The following OGDH variants were observed in gnomAD, a reference collection of about 807,000 sequenced individuals.
OGDH encodes the protein 2-oxoglutarate dehydrogenase complex component E1.
A neutral mutation model predicts 116.6 loss-of-function variants in OGDH; 38 were observed. That is an observed-to-expected ratio of 0.33 (90% CI 0.25 to 0.43). OGDH has a LOEUF of 0.43. Among genes scored for constraint, OGDH ranks in the 20% least tolerant of loss-of-function variants. The pLI, the probability that OGDH is intolerant of heterozygous loss-of-function variation, is 1.00. For missense variants in OGDH, 825 were observed against 1,357.2 expected, an observed-to-expected ratio of 0.61 and a Z score of 6.16; for synonymous variants, 488 against 533.3, an observed-to-expected ratio of 0.92 and a Z score of 1.17.
At position 44,708,299 on chromosome 7, in the gene OGDH, C is replaced by A; in HGVS notation, c.*300C>A. On this transcript the variant is annotated 3_prime_UTR_variant, in exon 23 of 23. Transcript: ENST00000222673. ...TCCTTGGGGAGGGGTCAGCTCTGGC[C>A]ACAATCCTCCCCACCAGTCTCACCC... is the stretch of plus-strand genomic sequence containing the variant. 3.0e-6 allele frequency: 1 copy of A among 333,500 alleles called. No homozygotes were observed. Among genetic ancestry groups the A allele is most frequent in the South Asian group, 3.6e-5 (1 of 27,464 alleles). The allele number at this position is 333,500 out of a possible 1,614,324, so 20.7% of individuals were successfully genotyped here. A position where few individuals can be genotyped will look rare whatever the true frequency, so the allele number is the denominator to read the frequency against.
chr7:44,681,821 C>T lies in OGDH; in HGVS notation c.1308C>T (p.Gly436=), dbSNP rs1787939601. The T allele has an allele frequency of 6.2e-7, 1 of 1,614,074 alleles. No homozygotes were observed. The highest frequency in any genetic ancestry group is 1.3e-5 in the African/African-American group (1 of 74,938). ...ACCTGCCATCCTACACAACTCATGG[C>T]ACCGTGCACGTGGTCGTCAACAACC... ...LSDLPSYTTH[G]TVHVVVNNQI... is the part of the protein sequence containing the mutation. The change falls in exon 10 of 23, where the codon GGC becomes GGT. Residue 436 remains glycine, a synonymous_variant. Coordinates refer to ENST00000222673, the MANE Select transcript of OGDH (RefSeq NM_002541.4).
At chr7:44,686,730 C>A (rs1285882021) in intron 10 of OGDH, among the ~76,000 whole-genome samples, 2 of 149,710 alleles carry the variant, frequency 1.3e-5, no homozygotes, top group Non-Finnish European at 3.0e-5. Context: ...GCTCTGTCGC[C>A]CAGGCCGGAG....
chr7:44,608,640 G>T (rs552851550), intron 1 of OGDH, among the ~76,000 whole-genome samples: 1 of 152,148 alleles, frequency 6.6e-6, no homozygotes, highest in East Asian at 1.9e-4. Context: ...AGAATCGCTT[G>T]AACGCAGGAG....
intron 5 of OGDH, among the ~76,000 whole-genome samples, chr7:44,669,443 C>G (rs1787334617): frequency 6.6e-6 from 1 of 152,116 alleles, no homozygotes; most frequent in Non-Finnish European, 1.5e-5. Flanking sequence ...TGAGCCACTG[C>G]TCCTGGCCCC....
chr7:44,658,751 AT>A (rs1220622853), intron 4 of OGDH, among the ~76,000 whole-genome samples: 6 of 151,688 alleles, frequency 4.0e-5, no homozygotes, highest in Non-Finnish European at 7.4e-5. Context: ...CTGTATTCAT[AT>A]TTTTTCTGAT....
At chr7:44,611,072 A>ATTTC (rs774015997) in intron 1 of OGDH, among the ~76,000 whole-genome samples, 2 of 122,874 alleles carry the variant, frequency 1.6e-5, no homozygotes, top group African/African-American at 6.0e-5. Context: ...ATTTTTCTAA[A>ATTTC]TTTTTTTTTT....
chr7:44,616,074 G>A (rs527440607), intron 1 of OGDH, among the ~76,000 whole-genome samples: 1 of 151,582 alleles, frequency 6.6e-6, no homozygotes, highest in East Asian at 1.9e-4. Context: ...TGGGTCCTCT[G>A]GTTCCTAGCC....
Position 44,618,473 on chromosome 7 carries a change from A to G in OGDH, c.-27-5844A>G, listed in dbSNP as rs183431974. 4.7e-4 allele frequency among the ~76,000 whole-genome samples: 71 copies of G among 152,246 alleles called. 1 individual carries two copies. The highest frequency in any genetic ancestry group is 1.6e-3 in the African/African-American group (66 of 41,550). On this transcript the variant is annotated intron_variant, in intron 1 of 22. Transcript: ENST00000222673. ...ACTTTCTCTCTGTATAGATTTGCCT[A>G]TTCTGGAATGTGATATTATTATCGT...
intron 1 of OGDH, among the ~76,000 whole-genome samples, chr7:44,607,643 G>A (rs911596502): frequency 6.6e-6 from 1 of 152,186 alleles, no homozygotes; most frequent in African/African-American, 2.4e-5. Flanking sequence ...TTGTAGTTTT[G>A]TAAATTAGCT....
At chr7:44,613,490 G>T (rs961283858) in intron 1 of OGDH, among the ~76,000 whole-genome samples, 1 of 152,082 alleles carries the variant, frequency 6.6e-6, no homozygotes, top group Non-Finnish European at 1.5e-5. Context: ...CTCCCGAGTA[G>T]CTGGGACTAT....
chr7:44,650,193 A>G (rs1342664587), intron 4 of OGDH, among the ~76,000 whole-genome samples: 2 of 152,198 alleles, frequency 1.3e-5, no homozygotes, highest in Non-Finnish European at 2.9e-5. Context: ...TTGTTAAAAC[A>G]TTTGTATCTG....
chr7:44,619,538 A>G (rs528175402), intron 1 of OGDH, among the ~76,000 whole-genome samples: 166 of 152,322 alleles, frequency 1.1e-3, no homozygotes, highest in African/African-American at 3.6e-3. Flanking sequence ...AATGTTTTCA[A>G]GGTTCCTCCA....
At chr7:44,623,303 C>T (rs1245501642) in intron 1 of OGDH, among the ~76,000 whole-genome samples, 3 of 152,208 alleles carry the variant, frequency 2.0e-5, no homozygotes, top group Non-Finnish European at 4.4e-5. Flanking sequence ...GGAGCCCATC[C>T]TCTCACAGGG....
intron 3 of OGDH, among the ~76,000 whole-genome samples, chr7:44,646,824 C>CA (rs1261962053): frequency 6.6e-6 from 1 of 152,204 alleles, no homozygotes; most frequent in East Asian, 1.9e-4. Context: ...CCAGAGCCCT[C>CA]ACTCCTCACG....
chr7:44,684,139 A>G (rs1352181617), intron 10 of OGDH, among the ~76,000 whole-genome samples: 1 of 152,194 alleles, frequency 6.6e-6, no homozygotes, highest in African/African-American at 2.4e-5. Flanking sequence ...GAGAGGTCCT[A>G]GTGTCTGAAG....
At chr7:44,703,461 T>G (rs1053284095) in intron 20 of OGDH, among the ~76,000 whole-genome samples, 4 of 151,880 alleles carry the variant, frequency 2.6e-5, no homozygotes, top group African/African-American at 7.3e-5. Flanking sequence ...GGCTTACACC[T>G]GTAATCTCAG....
intron 3 of OGDH, chr7:44,647,386 A>T: frequency 8.3e-7 from 1 of 1,199,382 alleles, no homozygotes; most frequent in Non-Finnish European, 1.2e-6. Flanking sequence ...TGACTCTTTT[A>T]ACCCTCCCCA....
chr7:44,682,543 C>G (rs1456969216), intron 10 of OGDH, among the ~76,000 whole-genome samples: 1 of 151,714 alleles, frequency 6.6e-6, no homozygotes, highest in African/African-American at 2.4e-5. Context: ...ACTAAAAATA[C>G]AAAGCTACCT....
At chr7:44,658,995 C>T (rs1786816013) in intron 4 of OGDH, among the ~76,000 whole-genome samples, 1 of 152,084 alleles carries the variant, frequency 6.6e-6, no homozygotes, top group Non-Finnish European at 1.5e-5. Context: ...CACCACCACG[C>T]CCAGCTAATT....
Sources: gnomAD v4.1 joint callset for allele counts (sites outside exome capture counted in the v4.1 genomes callset) on GRCh38, gnomAD v4.1.1 for gene constraint, MANE v1.5 for transcripts, NCBI Gene and HGNC (gene_info 2026-07-23, HGNC 2026-07-21) for gene names.